Variants in PDXDC1 observed in about 807,000 individuals in gnomAD.
PDXDC1 encodes the protein pyridoxal-dependent decarboxylase domain-containing protein 1.
Under a neutral mutation model 100.1 loss-of-function variants are expected in PDXDC1, and 42 were observed. That is an observed-to-expected ratio of 0.42 (90% CI 0.33 to 0.54). The LOEUF is 0.54. PDXDC1 is among the 20% of genes least tolerant of loss of function. The pLI, the probability that PDXDC1 is intolerant of heterozygous loss-of-function variation, is 0.10. For synonymous variants in PDXDC1, 260 were observed against 371.7 expected (o/e 0.70, Z 3.46); for missense variants, 636 against 979.2 (o/e 0.65, Z 4.68).
At chr16:15,123,634 C>T (rs1598183978) in intron 16 of PDXDC1, 1 of 575,342 alleles carries the variant, frequency 1.7e-6, no homozygotes, top group Non-Finnish European at 3.0e-6. Flanking sequence ...CAAAAATTAA[C>T]CTGACTTATT....
Position 15,006,488 on chromosome 16 carries a change from G to A in PDXDC1, c.484G>A (p.Val162Ile), listed in dbSNP as rs150793779. The A allele has an allele frequency of 4.5e-4, 731 of 1,610,178 alleles. No individual in the cohort carries two copies. The African/African-American group carries it at 8.5e-3, about 19-fold the overall frequency. The part of the protein sequence containing the change: ...LAIHSRYEDF[V>I]VDGFNVLYNK... Reference sequence around the variant, plus strand: ...CATTCATTCTCGATATGAAGACTTCGTAGTGGATGGCTTCAATGTGTTATA... The same window carrying A: ...CATTCATTCTCGATATGAAGACTTCATAGTGGATGGCTTCAATGTGTTATA... Residue 162 changes from valine to isoleucine, a missense_variant, in exon 6 of 23, where the codon GTA becomes ATA. Val to Ile is a conservative substitution (Grantham distance 29). This residue lies in a region of PDXDC1 where 125 missense variants were observed against 479.9 expected (regional missense o/e 0.26). Coordinates refer to ENST00000396410, the MANE Select transcript of PDXDC1 (RefSeq NM_015027.4).
chr16:15,044,288 C>T (rs757361107), intron 16 of PDXDC1: 5 of 1,310,928 alleles, frequency 3.8e-6, no homozygotes. Context: ...AATATGGGTA[C>T]ATATTTATGT....
chr16:15,092,102 C>T (rs1237333874), intron 16 of PDXDC1, among the ~76,000 whole-genome samples: 1 of 152,150 alleles, frequency 6.6e-6, no homozygotes, highest in Admixed American at 6.5e-5. Flanking sequence ...TTGCTTGAAC[C>T]TGGGAGGTGG....
intron 16 of PDXDC1, among the ~76,000 whole-genome samples, chr16:15,092,248 C>T (rs2966176): frequency 0.018 from 2,793 of 152,104 alleles, 41 homozygotes; most frequent in Non-Finnish European, 0.028. Context: ...AAAGATGCTT[C>T]GTAAATAAAG....
intron 16 of PDXDC1, among the ~76,000 whole-genome samples, chr16:15,077,607 C>T (rs545704744): frequency 9.2e-5 from 14 of 152,224 alleles, no homozygotes; most frequent in African/African-American, 2.2e-4. Context: ...TTTGGGAGGC[C>T]GAGGTGGACG....
chr16:15,031,135 TCC>T (rs145190048), intron 16 of PDXDC1, among the ~76,000 whole-genome samples: 35,157 of 119,468 alleles, frequency 0.29, 5,745 homozygotes, highest in Admixed American at 0.42. Context: ...TTTTTTTTTT[TCC>T]ATAGAGACGT....
At chr16:15,071,230 C>T in intron 16 of PDXDC1, 2 of 1,610,076 alleles carry the variant, frequency 1.2e-6, no homozygotes, top group South Asian at 1.1e-5. Context: ...CAGAGATGTT[C>T]CAAAAATGCC....
chr16:15,134,155 G>C (rs1433551178), intron 16 of PDXDC1: 2 of 1,230,148 alleles, frequency 1.6e-6, no homozygotes. Context: ...CGTCCCCTCG[G>C]CCATGGGACC....
rs556390167 is a variant in PDXDC1, at chr16:15,073,362, C to T, written c.1399+43306C>T. ...ATCCCAGCTACATGGGAGGCTGAGG[C>T]GGATGAACCGCTTGAGCCCAGGAGG... is the stretch of plus-strand genomic sequence containing the variant. On this transcript the variant is annotated intron_variant, in intron 16 of 16. Transcript: ENST00000535621. 6.6e-5 allele frequency among the ~76,000 whole-genome samples: 10 copies of T among 152,196 alleles called. No homozygotes were observed. In the East Asian group the frequency reaches 1.7e-3, roughly 26 times the overall value.
chr16:15,130,506 A>T (rs2966196), intron 16 of PDXDC1: 3 of 1,353,556 alleles, frequency 2.2e-6, no homozygotes, highest in Admixed American at 3.4e-5. Flanking sequence ...CAGGTTGGAT[A>T]TCGGAGTCCC....
chr16:15,126,027 G>T, intron 16 of PDXDC1: 2 of 590,836 alleles, frequency 3.4e-6, no homozygotes, highest in Non-Finnish European at 6.0e-6. Flanking sequence ...AAGGAACAGA[G>T]TTTTCAATTT....
intron 16 of PDXDC1, among the ~76,000 whole-genome samples, chr16:15,121,043 G>A (rs2151891304): frequency 1.1e-5 from 1 of 88,628 alleles, no homozygotes; most frequent in East Asian, 3.2e-4. Flanking sequence ...CTCTAAGATT[G>A]TTGATATTAA....
intron 16 of PDXDC1, among the ~76,000 whole-genome samples, chr16:15,088,338 A>T (rs1472764152): frequency 2.0e-5 from 3 of 151,906 alleles, no homozygotes; most frequent in African/African-American, 7.3e-5. Flanking sequence ...ATGGTAGCAC[A>T]TGCTTGTGGT....
At chr16:15,072,050 G>GA (rs1357148590) in intron 16 of PDXDC1, among the ~76,000 whole-genome samples, 3 of 151,924 alleles carry the variant, frequency 2.0e-5, no homozygotes, top group Non-Finnish European at 4.4e-5. Context: ...GCCAATCATG[G>GA]AAAAAAACAG....
chr16:15,137,563 C>T lies in PDXDC1; in HGVS notation c.1400-1316C>T. The T allele has an allele frequency of 5.7e-6, 7 of 1,219,436 alleles. 1 individual carries two copies. The South Asian group carries it at 6.4e-5, about 11-fold the overall frequency. 75.5% of individuals were successfully genotyped at this position (1,219,436 alleles called of 1,614,324 possible). A position where few individuals can be genotyped will look rare whatever the true frequency, so the allele number is the denominator to read the frequency against. On this transcript the variant is annotated intron_variant, in intron 16 of 16. Coordinates refer to the PDXDC1 transcript ENST00000535621. ...CACCTAGAAGAGGCAGCCACTGGAC[C>T]CCGGGTTCTGCTCCTCCTGGCTCCA... is the stretch of plus-strand genomic sequence containing the variant.
the PDXDC1 span, among the ~76,000 whole-genome samples, chr16:15,145,935 C>A: frequency 1.3e-5 from 2 of 152,336 alleles, no homozygotes; most frequent in African/African-American, 4.8e-5. Flanking sequence ...ACGTGTGTCT[C>A]CCTCCAAAGT....
chr16:15,082,995 A>G, intron 16 of PDXDC1, among the ~76,000 whole-genome samples: 1 of 152,346 alleles, frequency 6.6e-6, no homozygotes, highest in South Asian at 2.1e-4. Flanking sequence ...ACTTGCACAT[A>G]GTAATAACAG....
At position 15,056,019 on chromosome 16, in the gene PDXDC1, C is replaced by G. The variant is rs1358242311; in HGVS notation, c.1399+25963C>G. On this transcript the variant is annotated intron_variant, in intron 16 of 16. Coordinates refer to the PDXDC1 transcript ENST00000535621. Reference sequence around the variant, plus strand: ...GGCCCAGGGAGGCGGCGGCCCCCCGCTTTGCAGCCCCGGGCCGCCCGCCGC... The same window carrying G: ...GGCCCAGGGAGGCGGCGGCCCCCCGGTTTGCAGCCCCGGGCCGCCCGCCGC... 23 of 1,009,978 alleles carry G rather than the reference C, an allele frequency of 2.3e-5. No homozygotes were observed. The East Asian group carries it at 4.6e-4, about 20-fold the overall frequency. 62.6% of individuals were successfully genotyped at this position (1,009,978 alleles called of 1,614,324 possible).
chr16:15,078,968 T>C (rs1279449790), intron 16 of PDXDC1, among the ~76,000 whole-genome samples: 1 of 151,970 alleles, frequency 6.6e-6, no homozygotes, highest in Non-Finnish European at 1.5e-5. Context: ...CCCACCACCA[T>C]ACCCGGCCAA....
Sources: gnomAD v4.1 joint callset for allele counts (sites outside exome capture counted in the v4.1 genomes callset) on GRCh38, gnomAD v4.1.1 for gene constraint, gnomAD v4.1.1 regional missense constraint, MANE v1.5 for transcripts, NCBI Gene and HGNC (gene_info 2026-07-23, HGNC 2026-07-21) for gene names.